PUDP: variants seen among roughly 807,000 people sequenced by gnomAD.
PUDP encodes the protein pseudouridine-5'-phosphatase.
Under a neutral mutation model 9.4 loss-of-function variants are expected in PUDP, and 8 were observed. The ratio of observed to expected loss-of-function variants is 0.85; its 90% confidence interval spans 0.50 to 1.53. The LOEUF (loss-of-function observed/expected upper bound fraction) is 1.53, where lower values mean the gene tolerates loss of function less well. Ranked by LOEUF, PUDP falls within the 40% of genes most tolerant of loss-of-function variation. PUDP has a pLI of 0.00. For synonymous variants in PUDP, 99 were observed against 80.7 expected (o/e 1.23, Z -1.22); for missense variants, 188 against 189.7 (o/e 0.99, Z 0.05).
At chrX:6,710,238 A>G (rs981936875) in intron 1 of PUDP, among the ~76,000 whole-genome samples, 1 of 112,311 alleles carries the variant, frequency 8.9e-6, no homozygotes, top group Admixed American at 9.5e-5. Flanking sequence ...AGTCCACACT[A>G]ATGATATAAT....
chrX:6,850,370 A>T (rs1206336226), intron 3 of PUDP, among the ~76,000 whole-genome samples: 2 of 112,353 alleles, frequency 1.8e-5, no homozygotes, highest in Non-Finnish European at 3.7e-5. Flanking sequence ...GCAAGGTTGG[A>T]GACACGGGTG....
intron 3 of PUDP, among the ~76,000 whole-genome samples, chrX:6,917,809 C>T (rs1025006943): frequency 1.7e-4 from 19 of 111,938 alleles, no homozygotes; most frequent in African/African-American, 4.5e-4. Context: ...ACCACTCTAA[C>T]GCATTGCTGA....
intron 3 of PUDP, among the ~76,000 whole-genome samples, chrX:6,822,690 G>GTTT (rs113740633): frequency 2.2e-5 from 2 of 91,128 alleles, no homozygotes. Flanking sequence ...CTCCCAAAGT[G>GTTT]TTTTTTTTTT....
chrX:7,084,868 A>G (rs1931217353), intron 2 of PUDP: 1 of 111,718 alleles, frequency 9.0e-6, no homozygotes, highest in Non-Finnish European at 1.9e-5. Context: ...TACGATTTCT[A>G]TTTGTCAATT....
At chrX:7,047,747 G>A (rs1201065022), downstream of PUDP, among the ~76,000 whole-genome samples, 1 of 112,560 alleles carries the variant, frequency 8.9e-6, no homozygotes, top group Admixed American at 9.4e-5. Flanking sequence ...AGCTTTAGCC[G>A]ACTGCTTGTG....
intron 3 of PUDP, among the ~76,000 whole-genome samples, chrX:6,798,896 C>T (rs1020730822): frequency 3.6e-5 from 4 of 111,917 alleles, no homozygotes; most frequent in African/African-American, 1.3e-4. Context: ...AGCAGTCCTC[C>T]CACCTCAGCC....
chrX:6,777,189 A>G (rs1925480050), intron 3 of PUDP, among the ~76,000 whole-genome samples: 1 of 112,256 alleles, frequency 8.9e-6, no homozygotes. Flanking sequence ...CTTCCTTGCT[A>G]TTTATGATGC....
intron 3 of PUDP, among the ~76,000 whole-genome samples, chrX:6,769,512 C>T (rs1323045264): frequency 6.2e-5 from 7 of 112,098 alleles, no homozygotes; most frequent in Non-Finnish European, 1.3e-4. Flanking sequence ...AGGCTGTCAG[C>T]AGCCACGGGA....
chrX:6,713,563 G>C (rs1459837795), intron 1 of PUDP, among the ~76,000 whole-genome samples: 2 of 112,222 alleles, frequency 1.8e-5, no homozygotes, highest in Non-Finnish European at 3.8e-5. Flanking sequence ...ATATTTGATA[G>C]GTGACGTGTA....
chrX:7,069,172 G>A (rs2146856363), intron 3 of PUDP, among the ~76,000 whole-genome samples: 1 of 111,976 alleles, frequency 8.9e-6, no homozygotes, highest in Non-Finnish European at 1.9e-5. Context: ...AGCCAGCAGA[G>A]GGAGACGTTG....
intron 3 of PUDP, among the ~76,000 whole-genome samples, chrX:6,965,668 A>G (rs767229307): frequency 8.9e-6 from 1 of 112,536 alleles, no homozygotes; most frequent in South Asian, 3.6e-4. Flanking sequence ...ATTGTTAAAC[A>G]GGAGTTATAC....
chrX:7,131,861 G>A (rs781459478), intron 1 of PUDP, among the ~76,000 whole-genome samples: 2 of 106,628 alleles, frequency 1.9e-5, no homozygotes, highest in South Asian at 8.8e-4. Flanking sequence ...CCTGTGCTCC[G>A]CCTCTCACCG....
At chrX:6,929,854 T>A (rs1268360753) in intron 3 of PUDP, among the ~76,000 whole-genome samples, 1 of 111,813 alleles carries the variant, frequency 8.9e-6, no homozygotes, top group East Asian at 2.8e-4. Context: ...ACTCTATGAC[T>A]CTTAGGGCTT....
intron 2 of PUDP, among the ~76,000 whole-genome samples, chrX:7,105,344 T>C (rs1931848137): frequency 9.0e-6 from 1 of 111,374 alleles, no homozygotes; most frequent in East Asian, 2.8e-4. Flanking sequence ...ACATAATCTT[T>C]ATATATAGTA....
intron 3 of PUDP, among the ~76,000 whole-genome samples, chrX:6,834,805 T>C (rs1388886938): frequency 1.8e-5 from 2 of 110,578 alleles, no homozygotes; most frequent in African/African-American, 6.6e-5. Context: ...AAAGAGAGGG[T>C]GAGAGAGTGC....
intron 1 of PUDP, among the ~76,000 whole-genome samples, chrX:6,990,861 A>G (rs970771283): frequency 2.7e-5 from 3 of 112,573 alleles, no homozygotes; most frequent in African/African-American, 9.7e-5. Context: ...GCTAGTGGAC[A>G]CTGCATATAA....
At chrX:7,088,650 T>C (rs1931335359) in intron 2 of PUDP, among the ~76,000 whole-genome samples, 2 of 112,241 alleles carry the variant, frequency 1.8e-5, no homozygotes, top group Non-Finnish European at 1.9e-5. Context: ...GTTTTATTAA[T>C]AGCATGGGAT....
intron 1 of PUDP, among the ~76,000 whole-genome samples, chrX:7,116,162 G>C (rs1932188134): frequency 8.9e-6 from 1 of 111,985 alleles, no homozygotes; most frequent in Non-Finnish European, 1.9e-5. Context: ...TGGGGAGCTG[G>C]GAAAGCTTTA....
In PUDP at chrX:6,777,725, A is replaced by G. The variant is rs1327153163; in HGVS notation, c.*248-71259T>C. On this transcript the variant is annotated intron_variant and NMD_transcript_variant, in intron 3 of 3. Transcript: ENST00000655425. ...TAGAGAAACAGAAAAACAAGTCAAC[A>G]AGCAAGCAGATAGATACAGTAGCAC... Among the ~76,000 whole-genome samples, 3 of 112,124 alleles carry G rather than the reference A, an allele frequency of 2.7e-5. No individual in the cohort carries two copies. The East Asian group carries it at 8.5e-4, about 32-fold the overall frequency.
Sources: gnomAD v4.1 joint callset for allele counts (sites outside exome capture counted in the v4.1 genomes callset) on GRCh38, gnomAD v4.1.1 for gene constraint, MANE v1.5 for transcripts, NCBI Gene and HGNC (gene_info 2026-07-23, HGNC 2026-07-21) for gene names.